PARD3B: variants seen among roughly 807,000 people sequenced by gnomAD.
PARD3B encodes the protein par-3 family cell polarity regulator beta.
PARD3B carries 103 observed loss-of-function variants against 130.2 expected under a neutral mutation model. The observed-to-expected ratio is 0.79, with a 90% CI of 0.67 to 0.93. PARD3B has a LOEUF of 0.93. Among genes scored for constraint, PARD3B ranks in the 40% least tolerant of loss-of-function variants. PARD3B has a pLI of 0.00. For missense variants in PARD3B, 1,609 were observed against 1,499.2 expected, an observed-to-expected ratio of 1.07 and a Z score of -1.21; for synonymous variants, 583 against 553.2, an observed-to-expected ratio of 1.05 and a Z score of -0.76.
intron 1 of PARD3B, among the ~76,000 whole-genome samples, chr2:204,565,536 C>T (rs969722297): frequency 9.2e-5 from 14 of 152,216 alleles, no homozygotes; most frequent in South Asian, 4.1e-4. Context: ...TCAAAAACTA[C>T]GCATATTAAC....
intron 10 of PARD3B, among the ~76,000 whole-genome samples, chr2:205,156,082 A>G (rs867394966): frequency 1.3e-5 from 2 of 152,094 alleles, no homozygotes; most frequent in South Asian, 2.1e-4. Context: ...CTATGCAGCC[A>G]TAAAAAATGA....
intron 1 of PARD3B, among the ~76,000 whole-genome samples, chr2:204,619,418 A>G (rs966679652): frequency 1.3e-5 from 2 of 152,202 alleles, no homozygotes; most frequent in African/African-American, 4.8e-5. Context: ...TCTTGAGCAT[A>G]TTTCAAGTAT....
chr2:204,549,282 C>T (rs924354446), intron 1 of PARD3B, among the ~76,000 whole-genome samples: 1 of 152,180 alleles, frequency 6.6e-6, no homozygotes, highest in Non-Finnish European at 1.5e-5. Context: ...GATTGCTTAT[C>T]TCCGAATCCT....
At chr2:204,950,989 T>G (rs1388634013) in intron 2 of PARD3B, among the ~76,000 whole-genome samples, 1 of 152,160 alleles carries the variant, frequency 6.6e-6, no homozygotes, top group Non-Finnish European at 1.5e-5. Flanking sequence ...GACTAGAGAT[T>G]TTATATCCTC....
rs140428933 is a variant in PARD3B, at chr2:204,812,852, A to C, written c.222+126570A>C. 3.5e-3 allele frequency among the ~76,000 whole-genome samples: 537 copies of C among 152,206 alleles called. 8 individuals are homozygous for C. Among genetic ancestry groups the C allele is most frequent in the African/African-American group, 0.013 (521 of 41,526 alleles). ...TTACCAATTATTATTCTAGGGAGAC[A>C]CTTAAACAACTACCTGACCATCCCG... is the stretch of plus-strand genomic sequence containing the variant. On this transcript the variant is annotated intron_variant, in intron 2 of 22. Transcript: ENST00000406610.
intron 18 of PARD3B, among the ~76,000 whole-genome samples, chr2:205,331,989 C>T (rs919304655): frequency 2.6e-5 from 4 of 151,762 alleles, no homozygotes; most frequent in Admixed American, 2.6e-4. Context: ...CCTGTAATCC[C>T]AGCTACTCGG....
At chr2:205,586,789 G>C (rs1012498136) in intron 22 of PARD3B, among the ~76,000 whole-genome samples, 1 of 152,076 alleles carries the variant, frequency 6.6e-6, no homozygotes, top group Non-Finnish European at 1.5e-5. Context: ...ACACAGACTA[G>C]CATGGCGTAA....
In PARD3B at chr2:205,585,721, G is replaced by T. The variant is rs546165206; in HGVS notation, c.3261-29735G>T. ...AGGCCCTGCCTCTTCAGGTTTTAGG[G>T]CTTTGAAGGTGGGGAATCAGGAGTC... On this transcript the variant is annotated intron_variant, in intron 22 of 22. Coordinates refer to ENST00000406610, the MANE Select transcript of PARD3B (RefSeq NM_001302769.2). The surrounding 1 kb of genome is among the most constrained non-coding windows in gnomAD (Gnocchi z 5.4). Among the ~76,000 whole-genome samples the T allele has an allele frequency of 1.7e-4, 26 of 152,186 alleles. No homozygotes were observed. The highest frequency in any genetic ancestry group is 3.1e-4 in the Non-Finnish European group (21 of 68,044).
chr2:205,311,147 G>A (rs2042373571), intron 18 of PARD3B, among the ~76,000 whole-genome samples: 1 of 152,166 alleles, frequency 6.6e-6, no homozygotes, highest in Admixed American at 6.5e-5. Context: ...TGAGAGTGCG[G>A]ATATCTTCTC....
At chr2:204,925,302 G>A (rs1260067264) in intron 2 of PARD3B, among the ~76,000 whole-genome samples, 1 of 152,116 alleles carries the variant, frequency 6.6e-6, no homozygotes, top group Non-Finnish European at 1.5e-5. Flanking sequence ...TGGTGGCTAT[G>A]AAGAGAAATA....
At chr2:205,346,032 G>T (rs894154770) in intron 18 of PARD3B, among the ~76,000 whole-genome samples, 2 of 129,194 alleles carry the variant, frequency 1.5e-5, no homozygotes, top group African/African-American at 5.1e-5. Flanking sequence ...TTAGCCGGGC[G>T]TGGTGGCGCA....
At chr2:205,385,013 C>G (rs1403185923) in intron 18 of PARD3B, among the ~76,000 whole-genome samples, 5 of 151,820 alleles carry the variant, frequency 3.3e-5, no homozygotes. Flanking sequence ...ACATTAGAGC[C>G]TGTATAATAG....
At chr2:205,346,322 A>C (rs2043788573) in intron 18 of PARD3B, among the ~76,000 whole-genome samples, 1 of 151,912 alleles carries the variant, frequency 6.6e-6, no homozygotes, top group Non-Finnish European at 1.5e-5. Context: ...CATTTAGCTG[A>C]AGCACCTGAC....
rs2040879834 is a variant in PARD3B, at chr2:205,274,959, T to A, written c.2186-25571T>A. Among the ~76,000 whole-genome samples, 1 of 152,206 alleles carries A rather than the reference T, an allele frequency of 6.6e-6. No homozygotes were observed. ...TTCCTTAATTTTTATTGTCCTGTGT[T>A]GTAAAGTGGTCTGTGGCTTCAAAGG... On this transcript the variant is annotated intron_variant, in intron 16 of 22. Transcript: ENST00000406610. This position sits in a 1 kb window ranked among gnomAD's most constrained non-coding sequence, Gnocchi z 4.2.
rs907869946 is a variant in PARD3B, at chr2:204,675,480, G to A, written c.121-10701G>A. On this transcript the variant is annotated intron_variant, in intron 1 of 22. Transcript: ENST00000406610. The surrounding 1 kb of genome is among the most constrained non-coding windows in gnomAD (Gnocchi z 4.4). ...CTTTAACTCACTCCTAGAGCTGTAG[G>A]AAAATGAAATTTCTATATTCTTATA... Among the ~76,000 whole-genome samples, 6 of 151,918 alleles carry A rather than the reference G, an allele frequency of 3.9e-5. No homozygotes were observed. The highest frequency in any genetic ancestry group is 1.2e-4 in the African/African-American group (5 of 41,372).
At chr2:204,614,310 TAC>T (rs949644793) in intron 1 of PARD3B, among the ~76,000 whole-genome samples, 4 of 151,514 alleles carry the variant, frequency 2.6e-5, no homozygotes, top group African/African-American at 9.8e-5. Context: ...CGAGCAATAT[TAC>T]ATTTTTTTAT....
rs750555709 is a variant in PARD3B, at chr2:205,193,258, CTG to C, written c.2081_2082del (p.Val694AspfsTer7). Reference sequence around the variant, plus strand: ...CCAGATCAGCACATCAACTTCAGATCTGTGACACCGGCCAGGCAGCCTGAATC... The same window carrying C: ...CCAGATCAGCACATCAACTTCAGATCTGACACCGGCCAGGCAGCCTGAATC... On this transcript the variant is annotated frameshift_variant, in exon 15 of 23. Coordinates refer to ENST00000406610, the MANE Select transcript of PARD3B (RefSeq NM_001302769.2). LOFTEE classifies it high-confidence loss of function. 7.3e-5 allele frequency: 118 copies of C among 1,613,710 alleles called. No individual in the cohort carries two copies. Among genetic ancestry groups the C allele is most frequent in the Non-Finnish European group, 9.9e-5 (117 of 1,179,724 alleles).
At chr2:205,284,850 C>CAATAACTCA (rs1423251979) in intron 16 of PARD3B, among the ~76,000 whole-genome samples, 2 of 152,014 alleles carry the variant, frequency 1.3e-5, no homozygotes, top group East Asian at 3.9e-4. Context: ...TATCTAGTGC[C>CAATAACTCA]AATAACTCAG....
At chr2:205,220,646 T>C (rs985731431) in intron 15 of PARD3B, among the ~76,000 whole-genome samples, 46 of 152,152 alleles carry the variant, frequency 3.0e-4, no homozygotes, top group African/African-American at 1.1e-3. Flanking sequence ...CCAAGTCTTT[T>C]GAAGAAAAAT....
Sources: allele counts gnomAD v4.1 joint callset (sites outside exome capture counted in the v4.1 genomes callset), GRCh38; gene constraint gnomAD v4.1.1; non-coding constraint Gnocchi (gnomAD v3.1); transcripts MANE v1.5; gene names NCBI Gene and HGNC (gene_info 2026-07-23, HGNC 2026-07-21).